The following CEP290 variants were observed in gnomAD, a reference collection of about 807,000 sequenced individuals.
CEP290 encodes the protein centrosomal protein of 290 kDa.
A neutral mutation model predicts 344.9 loss-of-function variants in CEP290; 317 were observed. The observed-to-expected ratio is 0.92, with a 90% confidence interval of 0.84 to 1.01. The LOEUF is 1.01. Among genes scored for constraint, CEP290 ranks in the 50% least tolerant of loss-of-function variants. The pLI, the probability that CEP290 is intolerant of heterozygous loss-of-function variation, is 0.00. For synonymous variants in CEP290, 932 were observed against 895.8 expected, an observed-to-expected ratio of 1.04 and a Z score of -0.72; for missense variants, 2,754 against 2,761.4, an observed-to-expected ratio of 1.00 and a Z score of 0.06.
intron 27 of CEP290, among the ~76,000 whole-genome samples, chr12:88,096,177 T>C (rs2037414915): frequency 1.3e-5 from 2 of 151,940 alleles, no homozygotes; most frequent in Non-Finnish European, 2.9e-5. Flanking sequence ...GCCTCCTGAG[T>C]AGATGGAATT....
At chr12:88,080,022 T>C (rs1049450260) in intron 38 of CEP290, among the ~76,000 whole-genome samples, 160 bp downstream of exon 38, 16 of 152,210 alleles carry the variant, frequency 1.1e-4, no homozygotes, top group African/African-American at 3.6e-4. Flanking sequence ...AAAAACAGCA[T>C]TGTCTAAAAT....
chr12:88,053,278 T>C (rs1357107473), intron 52 of CEP290, among the ~76,000 whole-genome samples: 2 of 151,958 alleles, frequency 1.3e-5, no homozygotes, highest in Admixed American at 6.6e-5. Context: ...CGGAAAAAAA[T>C]ATAGGCAGTA....
intron 13 of CEP290, among the ~76,000 whole-genome samples, chr12:88,122,162 G>GT (rs757130484): frequency 1.6e-4 from 24 of 152,110 alleles, no homozygotes; most frequent in African/African-American, 4.8e-5. Flanking sequence ...CATCTAAGCT[G>GT]TGGAACATGA....
rs78452336 is a variant in CEP290 at position 88,124,897 on chromosome 12, C to T, written c.1189+349G>A. 3.2e-3 allele frequency among the ~76,000 whole-genome samples: 493 copies of T among 152,066 alleles called. 5 individuals are homozygous for T. Among genetic ancestry groups the T allele is most frequent in the African/African-American group, 0.011 (473 of 41,532 alleles). On this transcript the variant is annotated intron_variant, in intron 13 of 53. Transcript: ENST00000552810. ...TGAAATTACCTCTGAAAACTATCTG[C>T]AATGCTGTTACACTGGTCAAAATTT...
chr12:88,134,707 C>T (rs1352217952), intron 6 of CEP290, among the ~76,000 whole-genome samples: 1 of 152,182 alleles, frequency 6.6e-6, no homozygotes, highest in Non-Finnish European at 1.5e-5. Flanking sequence ...ACAACTATCT[C>T]ATATGACAAG....
intron 1 of CEP290, 149 bp downstream of exon 1, chr12:88,141,751 T>C (rs1227139042): frequency 6.6e-6 from 1 of 152,464 alleles, no homozygotes; most frequent in Non-Finnish European, 1.5e-5. Context: ...TGAGTGAAGT[T>C]GTGCGGCGGA....
chr12:88,049,118 TTTCCAAGTATATTTAACTTATA>T lies in CEP290; in HGVS notation c.*44_*65del. On this transcript the variant is annotated 3_prime_UTR_variant, in exon 54 of 54. Coordinates refer to ENST00000552810, the MANE Select transcript of CEP290 (RefSeq NM_025114.4). ...ATACTACAGTTCGGAGAACTGCTTA[TTTCCAAGTATATTTAACTTATA>T]AAGTTAATAAATAGTTAAATGAAAC... The T allele has an allele frequency of 3.2e-6, 3 of 938,980 alleles. No homozygotes were observed. The highest frequency in any genetic ancestry group is 1.7e-5 in the African/African-American group (1 of 59,522). The allele number at this position is 938,980 out of a possible 1,614,324, so 58.2% of individuals were successfully genotyped here. A position where few individuals can be genotyped will look rare whatever the true frequency, so the allele number is the denominator to read the frequency against.
At chr12:88,134,435 T>C (rs2040245140) in intron 6 of CEP290, among the ~76,000 whole-genome samples, 1 of 152,204 alleles carries the variant, frequency 6.6e-6, no homozygotes, top group African/African-American at 2.4e-5. Flanking sequence ...ACAGTAAACT[T>C]TTAAAGTATA....
rs563549727 is a variant in CEP290, at chr12:88,064,288, G to A, written c.6136-173C>T. On this transcript the variant is annotated intron_variant, in intron 44 of 53. Coordinates refer to ENST00000552810, the MANE Select transcript of CEP290 (RefSeq NM_025114.4). ...ATAAATAAGTTAGAATACAAAACTTGCAGAACAAAGGTAGTATGGTTTGTT... is the reference window on the plus strand; with the variant it reads ...ATAAATAAGTTAGAATACAAAACTTACAGAACAAAGGTAGTATGGTTTGTT... Among the ~76,000 whole-genome samples the A allele has an allele frequency of 1.5e-4, 3 of 20,600 alleles. No homozygotes were observed. In the Admixed American group the frequency reaches 1.7e-3, roughly 11 times the overall value. 13.5% of individuals were successfully genotyped at this position (20,600 alleles called of 152,430 possible). A position where few individuals can be genotyped will look rare whatever the true frequency, so the allele number is the denominator to read the frequency against.
Position 88,096,969 on chromosome 12 carries a change from C to T in CEP290, c.3022G>A (p.Glu1008Lys), listed in dbSNP as rs2037477197. 6.4e-7 allele frequency: 1 copy of T among 1,566,588 alleles called. No individual in the cohort carries two copies. The highest frequency in any genetic ancestry group is 2.3e-5 in the East Asian group (1 of 43,340). ...ATCTCCAGTTCTTTATTTATAGACT[C>T]CACTTGTTCTTTTAAGGAGATGTTT... is the stretch of plus-strand genomic sequence containing the variant. ...CENISLKEQV[E>K]SINKELEITK... The change falls in exon 27 of 54, where the codon GAG becomes AAG. Residue 1008 changes from glutamate (E) to lysine (K), a missense_variant. Glu to Lys is a moderately conservative substitution (Grantham distance 56). Transcript: ENST00000552810.
chr12:88,132,878 T>C (rs956135530), intron 6 of CEP290, among the ~76,000 whole-genome samples: 1 of 152,096 alleles, frequency 6.6e-6, no homozygotes, highest in African/African-American at 2.4e-5. Context: ...CTTCCTGATG[T>C]TCTCCCACCC....
intron 41 of CEP290, among the ~76,000 whole-genome samples, chr12:88,073,682 A>G (rs1287948349): frequency 6.6e-6 from 1 of 152,152 alleles, no homozygotes; most frequent in Non-Finnish European, 1.5e-5. Flanking sequence ...TTATAATCTC[A>G]GCACTTTGGG....
intron 25 of CEP290, among the ~76,000 whole-genome samples, chr12:88,105,108 C>G (rs1295146450): frequency 6.6e-6 from 1 of 152,086 alleles, no homozygotes. Context: ...GGAACCTGGG[C>G]TCTTTAAAGA....
intron 50 of CEP290, 81 bp downstream of exon 50, chr12:88,055,495 T>C: frequency 8.0e-7 from 1 of 1,254,390 alleles, no homozygotes; most frequent in Non-Finnish European, 1.1e-6. Context: ...GAGTCCATTT[T>C]TATCTATATA....
At chr12:88,065,465 A>G (rs2034847250) in intron 44 of CEP290, among the ~76,000 whole-genome samples, 1 of 152,210 alleles carries the variant, frequency 6.6e-6, no homozygotes, top group Non-Finnish European at 1.5e-5. Context: ...CCAAGTATAC[A>G]TTCAAATCTA....
chr12:88,110,466 C>T (rs1283043520), intron 22 of CEP290, among the ~76,000 whole-genome samples: 2 of 152,056 alleles, frequency 1.3e-5, no homozygotes, highest in East Asian at 1.9e-4. Flanking sequence ...ACCCTAGCAC[C>T]TTGGGAGGCC....
At chr12:88,111,501 T>G in intron 21 of CEP290, 150 bp from the exon 22 acceptor site, 1 of 908,038 alleles carries the variant, frequency 1.1e-6, no homozygotes, top group Non-Finnish European at 1.6e-6. Context: ...TTAGAATTTT[T>G]GTATTCTTTT....
intron 6 of CEP290, among the ~76,000 whole-genome samples, chr12:88,133,422 G>A (rs1448355913): frequency 6.6e-6 from 1 of 152,178 alleles, no homozygotes; most frequent in East Asian, 1.9e-4. Context: ...AGTATTCTAT[G>A]ATGTATATGT....
At chr12:88,062,650 A>G (rs745338666) in intron 46 of CEP290, 42 bp downstream of exon 46, 1 of 1,319,208 alleles carries the variant, frequency 7.6e-7, no homozygotes, top group South Asian at 1.2e-5. Context: ...CTGGCTTATC[A>G]CTGCTGAAAC....
Sources: allele counts gnomAD v4.1 joint callset (sites outside exome capture counted in the v4.1 genomes callset), GRCh38; gene constraint gnomAD v4.1.1; transcripts MANE v1.5; gene names NCBI Gene and HGNC (gene_info 2026-07-23, HGNC 2026-07-21).